Variants in CNIH3 observed in about 807,000 individuals in gnomAD.
CNIH3 encodes cornichon family AMPA receptor auxiliary protein 3.
A neutral mutation model predicts 24.1 loss-of-function variants in CNIH3; 14 were observed. That is an observed-to-expected ratio of 0.58 (90% confidence interval 0.38 to 0.91). The LOEUF (loss-of-function observed/expected upper bound fraction) is 0.91, where lower values mean the gene tolerates loss of function less well. Among genes scored for constraint, CNIH3 ranks in the 40% least tolerant of loss-of-function variants. CNIH3 has a pLI of 0.00. For missense variants in CNIH3, 178 were observed against 196.8 expected, an observed-to-expected ratio of 0.90 and a Z score of 0.57; for synonymous variants, 68 against 73.8, an observed-to-expected ratio of 0.92 and a Z score of 0.40.
At chr1:224,530,878 G>T (rs956987880) in intron 2 of CNIH3, among the ~76,000 whole-genome samples, 5 of 152,202 alleles carry the variant, frequency 3.3e-5, no homozygotes, top group Non-Finnish European at 7.3e-5. Flanking sequence ...GATTATAGGC[G>T]TGAGCCACTG....
At chr1:224,625,993 A>G (rs924647545) in intron 1 of CNIH3, among the ~76,000 whole-genome samples, 3 of 152,076 alleles carry the variant, frequency 2.0e-5, no homozygotes, top group South Asian at 2.1e-4. Context: ...TCCTTTGACA[A>G]CTAGGTGTAG....
At chr1:224,531,945 A>G (rs1679086837) in intron 2 of CNIH3, among the ~76,000 whole-genome samples, 1 of 152,212 alleles carries the variant, frequency 6.6e-6, no homozygotes, top group African/African-American at 2.4e-5. Flanking sequence ...CTGGTGTTCT[A>G]GGTACTTGGG....
At chr1:224,610,990 C>T (rs12027209) in intron 3 of CNIH3, among the ~76,000 whole-genome samples, 9 of 152,148 alleles carry the variant, frequency 5.9e-5, no homozygotes, top group Non-Finnish European at 8.8e-5. Context: ...ATAGCAAAAA[C>T]GTGAACTGGC....
intron 3 of CNIH3, among the ~76,000 whole-genome samples, chr1:224,707,319 A>T (rs892069859): frequency 6.6e-6 from 1 of 152,140 alleles, no homozygotes; most frequent in African/African-American, 2.4e-5. Flanking sequence ...GCACAATGTA[A>T]TCAGGAGAGC....
At chr1:224,634,534 C>T (rs1270580737) in intron 1 of CNIH3, among the ~76,000 whole-genome samples, 4 of 149,528 alleles carry the variant, frequency 2.7e-5, no homozygotes, top group South Asian at 2.1e-4. Flanking sequence ...GATTGTGCCA[C>T]GGCACTCCAG....
At chr1:224,647,047 T>G (rs1684639862) in intron 1 of CNIH3, among the ~76,000 whole-genome samples, 1 of 152,162 alleles carries the variant, frequency 6.6e-6, no homozygotes, top group South Asian at 2.1e-4. Context: ...GGCGCAGTGG[T>G]GCAGTCTCGG....
chr1:224,495,487 G>A (rs1158645570), intron 1 of CNIH3, among the ~76,000 whole-genome samples: 2 of 152,154 alleles, frequency 1.3e-5, no homozygotes, highest in Non-Finnish European at 2.9e-5. Context: ...TAGGTGCTGG[G>A]GATACAAAGC....
chr1:224,701,498 C>T lies in CNIH3; in HGVS notation c.198+16655C>T, dbSNP rs963449961. Reference sequence around the variant, plus strand: ...ACACTAATCCCATTCACGAGGGCTCCACCCTCATGTTGTCATCTAATCCTA... The same window carrying T: ...ACACTAATCCCATTCACGAGGGCTCTACCCTCATGTTGTCATCTAATCCTA... On this transcript the variant is annotated intron_variant, in intron 3 of 5. Coordinates refer to ENST00000272133, the MANE Select transcript of CNIH3 (RefSeq NM_152495.2). Among the ~76,000 whole-genome samples the T allele has an allele frequency of 5.5e-4, 83 of 152,140 alleles. 2 individuals are homozygous for T. The highest frequency in any genetic ancestry group is 2.0e-3 in the African/African-American group (81 of 41,420).
chr1:224,549,723 G>A (rs189882986), intron 3 of CNIH3, among the ~76,000 whole-genome samples: 1 of 152,054 alleles, frequency 6.6e-6, no homozygotes, highest in East Asian at 1.9e-4. Context: ...TGAGAGTGAT[G>A]ATATTTCATT....
chr1:224,580,559 G>A (rs551409779), intron 4 of CNIH3, among the ~76,000 whole-genome samples: 2 of 152,328 alleles, frequency 1.3e-5, no homozygotes, highest in East Asian at 3.9e-4. Flanking sequence ...ATGAAAAGGA[G>A]GGGTAGGCCA....
At chr1:224,502,234 C>T (rs554733009) in intron 1 of CNIH3, among the ~76,000 whole-genome samples, 5 of 152,044 alleles carry the variant, frequency 3.3e-5, no homozygotes, top group Non-Finnish European at 5.9e-5. Flanking sequence ...AATTAGGGGC[C>T]GAAACAAACA....
At position 224,704,616 on chromosome 1, in the gene CNIH3, T is replaced by C. The variant is rs1687680614; in HGVS notation, c.198+19773T>C. 6.6e-6 allele frequency among the ~76,000 whole-genome samples: 1 copy of C among 152,190 alleles called. No homozygotes were observed. The highest frequency in any genetic ancestry group is 6.5e-5 in the Admixed American group (1 of 15,286). Reference sequence around the variant, plus strand: ...CCCGTGTATGTACAGCACATACTTTTTTTTTGCTGGACCATTTAATTGTAT... The same window carrying C: ...CCCGTGTATGTACAGCACATACTTTCTTTTTGCTGGACCATTTAATTGTAT... On this transcript the variant is annotated intron_variant, in intron 3 of 5. Transcript: ENST00000272133. The surrounding 1 kb of genome is among the most constrained non-coding windows in gnomAD (Gnocchi z 4.2).
chr1:224,676,957 C>T (rs1017230756), intron 1 of CNIH3, among the ~76,000 whole-genome samples: 5 of 152,144 alleles, frequency 3.3e-5, no homozygotes, highest in South Asian at 2.1e-4. Context: ...GAATGTCTTC[C>T]GACTCCTTAT....
At chr1:224,660,496 C>T (rs1474742952) in intron 1 of CNIH3, among the ~76,000 whole-genome samples, 2 of 151,238 alleles carry the variant, frequency 1.3e-5, no homozygotes, top group African/African-American at 4.9e-5. Context: ...TCTTCTTTGG[C>T]ACATTTTATA....
intron 1 of CNIH3, among the ~76,000 whole-genome samples, chr1:224,518,554 A>G (rs908534917): frequency 6.6e-6 from 1 of 151,130 alleles, no homozygotes; most frequent in African/African-American, 2.4e-5. Flanking sequence ...CTGGTCTTGA[A>G]CTCTGGCCTC....
chr1:224,648,523 A>C (rs1202787781), intron 1 of CNIH3, among the ~76,000 whole-genome samples: 1 of 152,154 alleles, frequency 6.6e-6, no homozygotes, highest in East Asian at 1.9e-4. Flanking sequence ...TTACTCATAC[A>C]TTAAATGTCT....
downstream of CNIH3, among the ~76,000 whole-genome samples, chr1:224,591,527 C>CT (rs1323099403): frequency 3.3e-5 from 5 of 152,164 alleles, no homozygotes; most frequent in African/African-American, 1.2e-4. Context: ...ACTGATCAGG[C>CT]CCAGCTATCT....
chr1:224,652,156 G>A (rs757032364), intron 1 of CNIH3, among the ~76,000 whole-genome samples: 11 of 152,120 alleles, frequency 7.2e-5, no homozygotes, highest in Non-Finnish European at 1.6e-4. Flanking sequence ...TCTGGGTTTT[G>A]AGGGATGGCA....
At chr1:224,455,815 G>C (rs1409752390) in intron 1 of CNIH3, among the ~76,000 whole-genome samples, 2 of 152,146 alleles carry the variant, frequency 1.3e-5, no homozygotes, top group Non-Finnish European at 2.9e-5. Flanking sequence ...AATGAATGGT[G>C]GTCCAGGTAT....
Sources: allele counts gnomAD v4.1 joint callset (sites outside exome capture counted in the v4.1 genomes callset), GRCh38; gene constraint gnomAD v4.1.1; non-coding constraint Gnocchi (gnomAD v3.1); transcripts MANE v1.5; gene names NCBI Gene and HGNC (gene_info 2026-07-23, HGNC 2026-07-21).